Variants in NBAS observed in about 807,000 individuals in gnomAD.
NBAS encodes the protein NAG/BC035112 fusion.
In NBAS, 219 loss-of-function variants were observed where a neutral mutation model predicts 302.5. That is an observed-to-expected ratio of 0.72 (90% CI 0.65 to 0.81). NBAS has a LOEUF of 0.81. Ranked by LOEUF, NBAS falls within the 30% of genes least tolerant of loss-of-function variation. The pLI is 0.00. For synonymous variants in NBAS, 1,118 were observed against 1,021.6 expected, an observed-to-expected ratio of 1.09 and a Z score of -1.80; for missense variants, 2,932 against 2,841.6, an observed-to-expected ratio of 1.03 and a Z score of -0.72.
the NBAS span, among the ~76,000 whole-genome samples, chr2:15,074,426 G>C: frequency 6.7e-6 from 1 of 149,700 alleles, no homozygotes; most frequent in Non-Finnish European, 1.5e-5. Context: ...AGGAGGGAAG[G>C]AAGGAAGGAA....
At chr2:15,097,042 C>T in the NBAS span, among the ~76,000 whole-genome samples, 39 of 152,302 alleles carry the variant, frequency 2.6e-4, no homozygotes, top group East Asian at 7.2e-3. Flanking sequence ...AGGATGCAAG[C>T]TGCCAAGCTG....
chr2:15,365,530 T>C (rs982364350), intron 32 of NBAS, among the ~76,000 whole-genome samples: 9 of 152,208 alleles, frequency 5.9e-5, no homozygotes, highest in Non-Finnish European at 1.0e-4. Flanking sequence ...GAGTTAGAAC[T>C]TGAACCAGTG....
intron 48 of NBAS, among the ~76,000 whole-genome samples, chr2:15,205,107 A>C (rs183306737): frequency 8.7e-4 from 133 of 152,320 alleles, no homozygotes; most frequent in Middle Eastern, 3.4e-3. Context: ...CAGGGAATGA[A>C]GTTAAGCTGT....
At chr2:14,865,555 G>T in the NBAS span, among the ~76,000 whole-genome samples, 1 of 152,210 alleles carries the variant, frequency 6.6e-6, no homozygotes, top group East Asian at 1.9e-4. Context: ...CCTTATAATT[G>T]TAAAGCATGT....
chr2:15,129,465 G>A, the NBAS span, among the ~76,000 whole-genome samples: 1 of 152,134 alleles, frequency 6.6e-6, no homozygotes, highest in Non-Finnish European at 1.5e-5. Context: ...TCGATGCCCC[G>A]CCTCCCTTAT....
the NBAS span, among the ~76,000 whole-genome samples, chr2:15,122,396 G>A: frequency 4.6e-5 from 7 of 152,150 alleles, no homozygotes; most frequent in Non-Finnish European, 8.8e-5. Flanking sequence ...AGAAAGAGAA[G>A]GGGGAAGTCC....
the NBAS span, among the ~76,000 whole-genome samples, chr2:15,133,443 T>C: frequency 3.3e-5 from 5 of 152,312 alleles, no homozygotes; most frequent in Admixed American, 6.5e-5. Context: ...TTTAGGCAGA[T>C]AGAACAGCAT....
chr2:14,846,706 TC>T, the NBAS span, among the ~76,000 whole-genome samples: 3 of 152,116 alleles, frequency 2.0e-5, no homozygotes, highest in Non-Finnish European at 2.9e-5. Context: ...TTATTAGTTT[TC>T]TTTTTGCTTG....
the NBAS span, among the ~76,000 whole-genome samples, chr2:14,907,175 G>C: frequency 6.6e-6 from 1 of 152,252 alleles, no homozygotes; most frequent in Non-Finnish European, 1.5e-5. Context: ...TCTAGTGAGA[G>C]AGTGGAGTCT....
intron 4 of NBAS, 128 bp from the exon 5 acceptor site, chr2:15,553,601 T>C (rs775920085): frequency 3.8e-4 from 326 of 856,166 alleles, no homozygotes; most frequent in Non-Finnish European, 5.8e-4. Context: ...TAATTATCCA[T>C]CTTTTGACCT....
intron 41 of NBAS, among the ~76,000 whole-genome samples, chr2:15,288,977 A>G (rs2148099378): frequency 6.6e-6 from 1 of 152,344 alleles, no homozygotes; most frequent in South Asian, 2.1e-4. Context: ...AACAAATGCT[A>G]AAACCATTCT....
At chr2:15,229,685 G>C (rs976408364) in intron 47 of NBAS, among the ~76,000 whole-genome samples, 5 of 151,800 alleles carry the variant, frequency 3.3e-5, no homozygotes, top group African/African-American at 1.2e-4. Flanking sequence ...GGGAGGCTGA[G>C]GCAGGAGAAT....
chr2:15,525,534 T>C (rs1385689625), intron 9 of NBAS, among the ~76,000 whole-genome samples: 1 of 152,210 alleles, frequency 6.6e-6, no homozygotes, highest in Non-Finnish European at 1.5e-5. Context: ...GTAGTAGTGG[T>C]GGCACAACTC....
chr2:14,869,160 A>G, the NBAS span, among the ~76,000 whole-genome samples: 30 of 152,190 alleles, frequency 2.0e-4, no homozygotes, highest in Non-Finnish European at 4.1e-4. Flanking sequence ...TTGCCTCCCA[A>G]GACAATTTCC....
At chr2:14,992,470 C>A in the NBAS span, among the ~76,000 whole-genome samples, 23 of 152,248 alleles carry the variant, frequency 1.5e-4, no homozygotes, top group African/African-American at 5.3e-4. Flanking sequence ...TGTAATGGTG[C>A]CTCCACTCAT....
chr2:14,966,271 T>C, the NBAS span, among the ~76,000 whole-genome samples: 2 of 152,218 alleles, frequency 1.3e-5, no homozygotes, highest in Non-Finnish European at 2.9e-5. Context: ...CCGAGGAAAC[T>C]AGTGCAATAA....
intron 21 of NBAS, among the ~76,000 whole-genome samples, chr2:15,444,231 T>A (rs1678601402): frequency 6.6e-6 from 1 of 151,970 alleles, no homozygotes; most frequent in South Asian, 2.1e-4. Context: ...GCTGGAGGCA[T>A]CATACTACCT....
the NBAS span, among the ~76,000 whole-genome samples, chr2:15,038,315 T>C: frequency 6.6e-6 from 1 of 152,056 alleles, no homozygotes; most frequent in Admixed American, 6.6e-5. Context: ...GGTTTCACCA[T>C]TTGGCCAGGC....
At chr2:14,883,755 A>G in the NBAS span, among the ~76,000 whole-genome samples, 1 of 152,080 alleles carries the variant, frequency 6.6e-6, no homozygotes, top group Non-Finnish European at 1.5e-5. Context: ...GGATCTTTTG[A>G]TCCTAGGAAT....
Sources: gnomAD v4.1 joint callset for allele counts (sites outside exome capture counted in the v4.1 genomes callset) on GRCh38, gnomAD v4.1.1 for gene constraint, MANE v1.5 for transcripts, NCBI Gene and HGNC (gene_info 2026-07-23, HGNC 2026-07-21) for gene names.